The following TBX5 variants were observed in gnomAD, a reference collection of about 807,000 sequenced individuals.
TBX5 encodes T-box transcription factor 5, also known as T-box transcription factor TBX5.
A neutral mutation model predicts 51.1 loss-of-function variants in TBX5; 8 were observed. The observed-to-expected ratio is 0.16, with a 90% confidence interval of 0.09 to 0.28. The LOEUF is 0.28. TBX5 is among the 10% of genes least tolerant of loss of function. The pLI is 1.00. For synonymous variants in TBX5, 302 were observed against 266.4 expected (o/e 1.13, Z -1.30); for missense variants, 589 against 671.7 (o/e 0.88, Z 1.36).
chr12:114,394,924 G>A (rs1871341237), intron 5 of TBX5, 31 bp from the exon 6 acceptor site: 1 of 1,609,136 alleles, frequency 6.2e-7, no homozygotes, highest in South Asian at 1.1e-5. Flanking sequence ...GAGATTGTAA[G>A]AAAATCAAAA....
In TBX5 at chr12:114,399,638, A is replaced by G. The variant is rs775101163; in HGVS notation, c.243-6T>C. The G allele has an allele frequency of 6.2e-7, 1 of 1,614,108 alleles. No individual in the cohort carries two copies. Among genetic ancestry groups the G allele is most frequent in the Non-Finnish European group, 8.5e-7 (1 of 1,180,028 alleles). On this transcript the variant is annotated splice_polypyrimidine_tract_variant and splice_region_variant and intron_variant, in intron 3 of 8. Coordinates refer to ENST00000405440, the MANE Select transcript of TBX5 (RefSeq NM_181486.4). The stretch of plus-strand genomic sequence containing the variant: ...TGTAACTGGGAAACATCCGCCTAAG[A>G]GAGAGGGACGGAGGGAGAGAGGGGG...
chr12:114,378,552 C>T (rs1213582959), intron 7 of TBX5, among the ~76,000 whole-genome samples: 1 of 152,192 alleles, frequency 6.6e-6, no homozygotes, highest in Admixed American at 6.5e-5. Flanking sequence ...TAAAATGCGT[C>T]GACGAATTCC....
chr12:114,365,687 C>G (rs1045290341), intron 8 of TBX5, among the ~76,000 whole-genome samples: 2 of 151,758 alleles, frequency 1.3e-5, no homozygotes, highest in Admixed American at 6.6e-5. Context: ...AAATTTAGTA[C>G]AGTGTGTGAA....
At chr12:114,400,187 G>A (rs1157518505) in intron 3 of TBX5, among the ~76,000 whole-genome samples, 1 of 152,208 alleles carries the variant, frequency 6.6e-6, no homozygotes, top group Non-Finnish European at 1.5e-5. Context: ...GAAGGCCGCG[G>A]TTCCCAGTAT....
At chr12:114,356,756 A>G (rs1026347840) in intron 8 of TBX5, among the ~76,000 whole-genome samples, 4 of 152,224 alleles carry the variant, frequency 2.6e-5, no homozygotes, top group African/African-American at 7.2e-5. Flanking sequence ...CACGATTCTA[A>G]GCACTCTCCA....
At chr12:114,399,410 G>T in intron 4 of TBX5, 103 bp downstream of exon 4, 1 of 1,459,414 alleles carries the variant, frequency 6.9e-7, no homozygotes, top group South Asian at 1.1e-5. Flanking sequence ...CACACAGTAG[G>T]AACTAAAAAA....
At chr12:114,390,848 T>C (rs975387171) in intron 6 of TBX5, among the ~76,000 whole-genome samples, 3 of 152,206 alleles carry the variant, frequency 2.0e-5, no homozygotes, top group African/African-American at 7.2e-5. Flanking sequence ...CAGTGAAAAC[T>C]TTACAAAAAC....
intron 8 of TBX5, among the ~76,000 whole-genome samples, chr12:114,358,933 T>C (rs1418546275): frequency 6.6e-6 from 1 of 152,138 alleles, no homozygotes; most frequent in Non-Finnish European, 1.5e-5. Context: ...CCATTGTTGC[T>C]GGAATCATAA....
chr12:114,384,714 AAC>A (rs1555225276), intron 7 of TBX5, among the ~76,000 whole-genome samples: 5,157 of 143,824 alleles, frequency 0.036, 153 homozygotes, highest in East Asian at 0.15. Flanking sequence ...AAAAAAAGAA[AAC>A]ACACACACAC....
chr12:114,385,386 G>A (rs1376795157), intron 7 of TBX5, 90 bp downstream of exon 7: 5 of 1,074,068 alleles, frequency 4.7e-6, no homozygotes, highest in Non-Finnish European at 7.2e-6. Flanking sequence ...CAGGAAGGCT[G>A]GTGGAGGGAG....
intron 3 of TBX5, among the ~76,000 whole-genome samples, chr12:114,401,021 G>A (rs924994537): frequency 2.6e-5 from 4 of 152,100 alleles, no homozygotes; most frequent in Admixed American, 2.6e-4. Flanking sequence ...TTTGCGGGAC[G>A]CGGAAGACCC....
At chr12:114,400,743 T>A (rs937733091) in intron 3 of TBX5, among the ~76,000 whole-genome samples, 6 of 152,150 alleles carry the variant, frequency 3.9e-5, no homozygotes, top group African/African-American at 1.4e-4. Flanking sequence ...CCTGGGGGAA[T>A]AGGAAGAGGA....
In TBX5 at chr12:114,398,740, A is replaced by C; in HGVS notation, c.363-20T>G. The C allele has an allele frequency of 1.3e-6, 2 of 1,591,168 alleles. No individual in the cohort carries two copies. The highest frequency in any genetic ancestry group is 1.7e-6 in the Non-Finnish European group (2 of 1,168,762). Reference sequence around the variant, plus strand: ...ACAGACCTAGATGAAGGAGAGGTGTACTAGAGGCCTGGCTCAGAGTCTGGA... The same window carrying C: ...ACAGACCTAGATGAAGGAGAGGTGTCCTAGAGGCCTGGCTCAGAGTCTGGA... On this transcript the variant is annotated intron_variant, in intron 4 of 8. Coordinates refer to ENST00000405440, the MANE Select transcript of TBX5 (RefSeq NM_181486.4).
chr12:114,372,969 AATAT>A lies in TBX5; in HGVS notation c.756-6582_756-6579del, dbSNP rs756699470. 1.4e-4 allele frequency among the ~76,000 whole-genome samples: 18 copies of A among 129,358 alleles called. No individual in the cohort carries two copies. In the East Asian group the frequency reaches 2.2e-3, roughly 16 times the overall value. The allele number at this position is 129,358 out of a possible 152,430, so 84.9% of individuals were successfully genotyped here. A position where few individuals can be genotyped will look rare whatever the true frequency, so the allele number is the denominator to read the frequency against. ...AAATGATGCATGGAAAGGCTTAGCGAATATATATACATACACACACACACACACA... is the reference window on the plus strand; with the variant it reads ...AAATGATGCATGGAAAGGCTTAGCGAATATACATACACACACACACACACA... On this transcript the variant is annotated intron_variant, in intron 7 of 8. Transcript: ENST00000405440.
chr12:114,401,758 C>T, intron 3 of TBX5, 68 bp downstream of exon 3: 2 of 1,475,074 alleles, frequency 1.4e-6, no homozygotes, highest in Non-Finnish European at 1.9e-6. Flanking sequence ...TCTTCCAAGC[C>T]ACCTTTTCTT....
intron 7 of TBX5, among the ~76,000 whole-genome samples, chr12:114,373,187 G>GCTA (rs1870012855): frequency 6.6e-6 from 1 of 152,072 alleles, no homozygotes. Context: ...ATTTGCATTG[G>GCTA]CTACTCAAAA....
chr12:114,356,530 G>T (rs1327084570), intron 8 of TBX5, among the ~76,000 whole-genome samples: 2 of 152,058 alleles, frequency 1.3e-5, no homozygotes, highest in Non-Finnish European at 2.9e-5. Flanking sequence ...AGGAGTTTGA[G>T]ACCAGCCTGG....
At chr12:114,407,841 GC>G, upstream of TBX5, 1 of 985,436 alleles carries the variant, frequency 1.0e-6, no homozygotes, top group Non-Finnish European at 1.2e-6. Context: ...CTTCTTTGGA[GC>G]GCAAAAGCCA....
At position 114,404,203 on chromosome 12, in the gene TBX5, G is replaced by C. The variant is rs560810927; in HGVS notation, c.-38-267C>G. Among the ~76,000 whole-genome samples the C allele has an allele frequency of 3.3e-5, 5 of 152,220 alleles. No individual in the cohort carries two copies. In the East Asian group the frequency reaches 9.7e-4, roughly 29 times the overall value. ...GTCAGACCCGGAGAAGGTGAGGCCCGCATCTCCCCTGCGCAGGCTCTCCGT... is the reference window on the plus strand; with the variant it reads ...GTCAGACCCGGAGAAGGTGAGGCCCCCATCTCCCCTGCGCAGGCTCTCCGT... On this transcript the variant is annotated intron_variant, in intron 1 of 8. Coordinates refer to ENST00000405440, the MANE Select transcript of TBX5 (RefSeq NM_181486.4).
Sources: allele counts gnomAD v4.1 joint callset (sites outside exome capture counted in the v4.1 genomes callset), GRCh38; gene constraint gnomAD v4.1.1; transcripts MANE v1.5; gene names NCBI Gene and HGNC (gene_info 2026-07-23, HGNC 2026-07-21).